Variants in FAT4 observed in about 807,000 individuals in gnomAD.
The protein encoded by FAT4 is protocadherin Fat 4.
Under a neutral mutation model 303.9 loss-of-function variants are expected in FAT4, and 84 were observed. That is an observed-to-expected ratio of 0.28 (90% confidence interval 0.23 to 0.33). The LOEUF is 0.33. Among genes scored for constraint, FAT4 ranks in the 10% least tolerant of loss-of-function variants. The pLI is 1.00. For synonymous variants in FAT4, 2,307 were observed against 2,298.8 expected (o/e 1.00, Z -0.10); for missense variants, 6,005 against 6,146.8 (o/e 0.98, Z 0.77).
At chr4:125,333,313 C>T (rs183788083) in intron 2 of FAT4, among the ~76,000 whole-genome samples, 1 of 152,064 alleles carries the variant, frequency 6.6e-6, no homozygotes, top group African/African-American at 2.4e-5. Context: ...TAATAGAATT[C>T]GTCCCACAGA....
rs899241699 is a variant in FAT4, at chr4:125,315,711, G to C, written c.-279G>C. ...GGCAGAGTTGAGCGCTCCCGGGTAC[G>C]GGAGCCAGAGCGCGAACGCTAGCGC... On this transcript the variant is annotated 5_prime_UTR_variant, in exon 1 of 18. Coordinates refer to ENST00000394329, the MANE Select transcript of FAT4 (RefSeq NM_001291303.3). Among the ~76,000 whole-genome samples the C allele has an allele frequency of 1.3e-5, 2 of 152,144 alleles. No individual in the cohort carries two copies.
At position 125,452,765 on chromosome 4, in the gene FAT4, A is replaced by G. The variant is rs762329383; in HGVS notation, c.11755A>G (p.Asn3919Asp). 1.9e-6 allele frequency: 3 copies of G among 1,613,804 alleles called. No homozygotes were observed. The highest frequency in any genetic ancestry group is 2.5e-6 in the Non-Finnish European group (3 of 1,179,886). The change falls in exon 10 of 18, where the codon AAT (asparagine) becomes GAT (aspartate). Residue 3919 changes from asparagine to aspartate, a missense_variant. Transcript: ENST00000394329. ...TTGCAAGAATGGTGCCATCTGCCAG[A>G]ATTTTCCAGGAAGCTTCAACTGTGT... ...SPCKNGAICQ[N>D]FPGSFNCVCK...
At chr4:125,416,810 G>T (rs983818614) in intron 7 of FAT4, among the ~76,000 whole-genome samples, 188 bp downstream of exon 7, 1 of 152,048 alleles carries the variant, frequency 6.6e-6, no homozygotes, top group Non-Finnish European at 1.5e-5. Context: ...GCTGGACATG[G>T]TGGTGCGTGC....
intron 12 of FAT4, among the ~76,000 whole-genome samples, chr4:125,475,263 A>C (rs989449233): frequency 2.0e-5 from 3 of 152,068 alleles, no homozygotes; most frequent in Admixed American, 2.0e-4. Flanking sequence ...ATAGCATTGG[A>C]GATTACACAA....
intron 3 of FAT4, among the ~76,000 whole-genome samples, chr4:125,399,166 A>AT (rs1014315205): frequency 5.9e-5 from 9 of 151,684 alleles, no homozygotes; most frequent in Admixed American, 4.6e-4. Flanking sequence ...TAGCCAAATT[A>AT]TTTTTTTTCT....
rs1235136428 is a variant in FAT4, at chr4:125,321,428, G to A, written c.5017G>A (p.Glu1673Lys). Residue 1673 changes from glutamate (E) to lysine (K), a missense_variant, in exon 2 of 18, where the codon GAA becomes AAA. Physicochemically the swap from Glu to Lys is moderately conservative, Grantham distance 56 (BLOSUM62 1). Coordinates refer to ENST00000394329, the MANE Select transcript of FAT4 (RefSeq NM_001291303.3). ...VEYYIVSVRC[E>K]EKTVGRLFTI... is the part of the protein sequence containing the mutation. ...GTATTATATTGTTTCAGTTCGTTGT[G>A]AAGAAAAAACTGTTGGACGCCTCTT... 2 of 1,613,982 alleles carry A rather than the reference G, an allele frequency of 1.2e-6. No homozygotes were observed. The highest frequency in any genetic ancestry group is 1.7e-6 in the Non-Finnish European group (2 of 1,180,006).
chr4:125,491,242 G>C lies in FAT4; in HGVS notation c.14426G>C (p.Ser4809Thr). ...TPRPRNPSIC[S>T]ADHGRSSSEE... ...CGCCCTAGAAACCCAAGTATCTGCA[G>C]TGCAGACCATGGGAGGTCTTCTTCA... Residue 4809 changes from serine (S) to threonine (T), a missense_variant, in exon 18 of 18, where the codon AGT (serine) becomes ACT (threonine). Physicochemically the swap from Ser to Thr is moderately conservative, Grantham distance 58. Coordinates refer to ENST00000394329, the MANE Select transcript of FAT4 (RefSeq NM_001291303.3). The C allele has an allele frequency of 6.2e-7, 1 of 1,614,128 alleles. No homozygotes were observed. The highest frequency in any genetic ancestry group is 8.5e-7 in the Non-Finnish European group (1 of 1,180,022).
In FAT4 at chr4:125,491,469, A is replaced by C. The variant is rs1197054678; in HGVS notation, c.14653A>C (p.Asn4885His). 1 of 1,614,194 alleles carries C rather than the reference A, an allele frequency of 6.2e-7. No individual in the cohort carries two copies. Among genetic ancestry groups the C allele is most frequent in the Non-Finnish European group, 8.5e-7 (1 of 1,180,030 alleles). Residue 4885 changes from asparagine (N) to histidine (H), a missense_variant, in exon 18 of 18, where the codon AAT (asparagine) becomes CAT (histidine). Asn to His is a moderately conservative substitution (Grantham distance 68). Coordinates refer to ENST00000394329, the MANE Select transcript of FAT4 (RefSeq NM_001291303.3). ...TGAATCTGATGCAGATGATGAAGAT[A>C]ATTATGGAGCCAGACTGAAGCCTCG... ...VNESDADDED[N>H]YGARLKPRRY...
chr4:125,390,105 G>T (rs910473456), intron 2 of FAT4, among the ~76,000 whole-genome samples: 1 of 152,068 alleles, frequency 6.6e-6, no homozygotes, highest in Non-Finnish European at 1.5e-5. Context: ...CCATCCTTTC[G>T]TGGCAATACA....
At chr4:125,383,017 G>A (rs1321844923) in intron 2 of FAT4, among the ~76,000 whole-genome samples, 1 of 152,142 alleles carries the variant, frequency 6.6e-6, no homozygotes, top group Non-Finnish European at 1.5e-5. Flanking sequence ...CTCTGTATTA[G>A]GCTTTGCTTT....
intron 2 of FAT4, among the ~76,000 whole-genome samples, chr4:125,383,456 T>C (rs767777744): frequency 7.2e-5 from 11 of 152,136 alleles, no homozygotes; most frequent in Admixed American, 3.3e-4. Context: ...CACTGTCTTA[T>C]ATGGGTGCAG....
intron 8 of FAT4, among the ~76,000 whole-genome samples, chr4:125,436,168 T>C (rs2126045732): frequency 7.0e-6 from 1 of 142,474 alleles, no homozygotes; most frequent in South Asian, 2.4e-4. Flanking sequence ...TGTGCACATG[T>C]ACCCTAGAAC....
intron 5 of FAT4, among the ~76,000 whole-genome samples, chr4:125,411,057 A>G (rs967013001): frequency 6.6e-6 from 1 of 152,188 alleles, no homozygotes; most frequent in African/African-American, 2.4e-5. Context: ...TTTCACAGAC[A>G]ATATTAGTCA....
Position 125,477,242 on chromosome 4 carries a change from C to A in FAT4, c.12387C>A (p.Ser4129Arg). 6.4e-7 allele frequency: 1 copy of A among 1,552,800 alleles called. No individual in the cohort carries two copies. Among genetic ancestry groups the A allele is most frequent in the Non-Finnish European group, 8.7e-7 (1 of 1,146,248 alleles). The change falls in exon 14 of 18, where the codon AGC (serine) becomes AGA (arginine). Residue 4129 changes from serine to arginine, a missense_variant. Coordinates refer to ENST00000394329, the MANE Select transcript of FAT4 (RefSeq NM_001291303.3). ...PILQRRGHVE[S>R]HDFVGCIMEF... The stretch of plus-strand genomic sequence containing the variant: ...TTCAGAGAAGAGGACACGTGGAAAG[C>A]CATGATTTTGTTGGGTGTATAATGG...
Position 125,448,888 on chromosome 4 carries a change from T to G in FAT4, c.7878T>G (p.Ser2626Arg). 1 of 1,610,036 alleles carries G rather than the reference T, an allele frequency of 6.2e-7. No homozygotes were observed. The highest frequency in any genetic ancestry group is 8.5e-7 in the Non-Finnish European group (1 of 1,179,110). ...AGTTAACAGGGCAGGTGTCTATTAG[T>G]CAACCTCTGGATTTTGAAAAGATAC... ...IDQLTGQVSISQPLDFEKIQK... is the reference protein window; with the variant it reads ...IDQLTGQVSIRQPLDFEKIQK... The change falls in exon 10 of 18, where the codon AGT becomes AGG. Residue 2626 changes from serine to arginine, a missense_variant. Coordinates refer to ENST00000394329, the MANE Select transcript of FAT4 (RefSeq NM_001291303.3).
At chr4:125,425,592 G>T (rs1237869137) in intron 7 of FAT4, among the ~76,000 whole-genome samples, 1 of 152,002 alleles carries the variant, frequency 6.6e-6, no homozygotes, top group Non-Finnish European at 1.5e-5. Context: ...ATGTATCCAA[G>T]GGTTTTATTA....
Position 125,481,545 on chromosome 4 carries a change from C to T in FAT4, c.12629C>T (p.Ser4210Leu). 1 of 1,613,818 alleles carries T rather than the reference C, an allele frequency of 6.2e-7. No individual in the cohort carries two copies. Among genetic ancestry groups the T allele is most frequent in the Non-Finnish European group, 8.5e-7 (1 of 1,179,820 alleles). Residue 4210 changes from serine (S) to leucine (L), a missense_variant, in exon 16 of 18, where the codon TCA becomes TTA. Physicochemically the swap from Ser to Leu is moderately radical, Grantham distance 145. Coordinates refer to ENST00000394329, the MANE Select transcript of FAT4 (RefSeq NM_001291303.3). ...EKSVTPDTALSLEGKGRLDYH... is the reference protein window; with the variant it reads ...EKSVTPDTALLLEGKGRLDYH... Reference sequence around the variant, plus strand: ...GCTGTTACTCCTGACACTGCCTTATCATTAGAAGGCAAAGGGCGCTTGGAC... The same window carrying T: ...GCTGTTACTCCTGACACTGCCTTATTATTAGAAGGCAAAGGGCGCTTGGAC...
At chr4:125,423,483 G>A (rs775758706) in intron 7 of FAT4, among the ~76,000 whole-genome samples, 2 of 152,198 alleles carry the variant, frequency 1.3e-5, no homozygotes, top group Non-Finnish European at 2.9e-5. Context: ...GCCTGCAGGT[G>A]CACAGAGGTC....
intron 2 of FAT4, among the ~76,000 whole-genome samples, chr4:125,326,815 A>G (rs1211241531): frequency 5.3e-5 from 8 of 152,172 alleles, no homozygotes; most frequent in Non-Finnish European, 4.4e-5. Flanking sequence ...CCTTGAGGCC[A>G]GGATTTTGAG....
Sources: gnomAD v4.1 joint callset for allele counts (sites outside exome capture counted in the v4.1 genomes callset) on GRCh38, gnomAD v4.1.1 for gene constraint, MANE v1.5 for transcripts, NCBI Gene and HGNC (gene_info 2026-07-23, HGNC 2026-07-21) for gene names.